The following NCKAP5 variants were observed in gnomAD, a reference collection of about 807,000 sequenced individuals.
The protein encoded by NCKAP5 is nck-associated protein 5.
Under a neutral mutation model 167.0 loss-of-function variants are expected in NCKAP5, and 92 were observed. The observed-to-expected ratio is 0.55, with a 90% CI of 0.47 to 0.66. The LOEUF is 0.66. Among genes scored for constraint, NCKAP5 ranks in the 30% least tolerant of loss-of-function variants. The probability of loss-of-function intolerance (pLI) is 0.00; values close to 1 mark genes in which losing one functional copy is unlikely to be tolerated. For synonymous variants in NCKAP5, 891 were observed against 877.4 expected, an observed-to-expected ratio of 1.02 and a Z score of -0.27; for missense variants, 2,378 against 2,315.0, an observed-to-expected ratio of 1.03 and a Z score of -0.56.
intron 8 of NCKAP5, among the ~76,000 whole-genome samples, chr2:132,961,296 T>C (rs1463163237): frequency 1.4e-5 from 2 of 138,580 alleles, no homozygotes; most frequent in African/African-American, 5.9e-5. Context: ...GAATTACATG[T>C]ATGACAAAAT....
At chr2:133,457,949 T>C (rs1691960184) in intron 3 of NCKAP5, among the ~76,000 whole-genome samples, 1 of 152,202 alleles carries the variant, frequency 6.6e-6, no homozygotes, top group Non-Finnish European at 1.5e-5. Flanking sequence ...TGTACGCCCT[T>C]TCCCACCACT....
chr2:133,197,763 A>G (rs1414978550), intron 5 of NCKAP5, among the ~76,000 whole-genome samples: 1 of 152,186 alleles, frequency 6.6e-6, no homozygotes, highest in East Asian at 1.9e-4. Context: ...ATCCTGGACA[A>G]CATGATGAAA....
intron 2 of NCKAP5, among the ~76,000 whole-genome samples, chr2:133,550,988 T>C (rs1687244090): frequency 6.6e-6 from 1 of 152,130 alleles, no homozygotes; most frequent in Admixed American, 6.5e-5. Flanking sequence ...TGAATTCCCA[T>C]TCACAATTGC....
At chr2:132,727,345 C>T (rs1690558476) in intron 18 of NCKAP5, among the ~76,000 whole-genome samples, 3 of 152,160 alleles carry the variant, frequency 2.0e-5, no homozygotes, top group Admixed American at 2.0e-4. Flanking sequence ...TTTTACAGCT[C>T]TCAATTTTCT....
At chr2:133,551,234 A>G (rs1687264891) in intron 2 of NCKAP5, among the ~76,000 whole-genome samples, 1 of 151,680 alleles carries the variant, frequency 6.6e-6, no homozygotes, top group Non-Finnish European at 1.5e-5. Flanking sequence ...ACAGAATTGG[A>G]AAAAACTACT....
chr2:133,484,370 G>A (rs925722483), intron 3 of NCKAP5, among the ~76,000 whole-genome samples: 12 of 152,168 alleles, frequency 7.9e-5, no homozygotes, highest in South Asian at 4.2e-4. Context: ...TCAAGATCCC[G>A]ATAGTGAGTA....
At chr2:133,128,654 G>A (rs1052362672) in intron 6 of NCKAP5, among the ~76,000 whole-genome samples, 5 of 151,842 alleles carry the variant, frequency 3.3e-5, no homozygotes, top group Non-Finnish European at 7.4e-5. Context: ...CTGGAGTGCA[G>A]TGGCGCAATC....
rs1573635079 is a variant in NCKAP5, at chr2:132,984,241, C to G, written c.429+9911G>C. Among the ~76,000 whole-genome samples, 4 of 152,206 alleles carry G rather than the reference C, an allele frequency of 2.6e-5. No homozygotes were observed. The South Asian group carries it at 8.3e-4, about 32-fold the overall frequency. On this transcript the variant is annotated intron_variant, in intron 7 of 19. Transcript: ENST00000409261. ...GAAAATGTTTAACCATACTAAGGCC[C>G]AGTCTCAGCTGCCGGAGACTCTATG...
chr2:132,792,334 T>C (rs1249032338), intron 12 of NCKAP5, among the ~76,000 whole-genome samples: 1 of 152,208 alleles, frequency 6.6e-6, no homozygotes, highest in Non-Finnish European at 1.5e-5. Context: ...TTTATGAACT[T>C]GTTTATTGCC....
chr2:133,401,619 G>C (rs1023639540), intron 3 of NCKAP5, among the ~76,000 whole-genome samples: 2 of 152,160 alleles, frequency 1.3e-5, no homozygotes, highest in Non-Finnish European at 2.9e-5. Flanking sequence ...TTTGGTGTCA[G>C]GAGTGTTCTG....
At chr2:133,059,082 G>A (rs1200546675) in intron 6 of NCKAP5, among the ~76,000 whole-genome samples, 3 of 147,002 alleles carry the variant, frequency 2.0e-5, no homozygotes. Context: ...GGCAGATCAC[G>A]AGGTCAGGAA....
At chr2:132,982,576 C>T (rs113630931) in intron 7 of NCKAP5, among the ~76,000 whole-genome samples, 1 of 152,140 alleles carries the variant, frequency 6.6e-6, no homozygotes, top group Non-Finnish European at 1.5e-5. Flanking sequence ...AGATATATTG[C>T]GTGATGCTCA....
chr2:132,881,465 G>T (rs1691743961), intron 8 of NCKAP5, among the ~76,000 whole-genome samples: 1 of 151,788 alleles, frequency 6.6e-6, no homozygotes, highest in Non-Finnish European at 1.5e-5. Flanking sequence ...ATGAGCCATT[G>T]CACCCGGCCT....
intron 11 of NCKAP5, among the ~76,000 whole-genome samples, chr2:132,825,790 A>G (rs1334632321): frequency 3.3e-5 from 5 of 152,258 alleles, no homozygotes; most frequent in African/African-American, 1.2e-4. Context: ...AGCAGATGGT[A>G]ACAAAAAATC....
intron 16 of NCKAP5, among the ~76,000 whole-genome samples, chr2:132,750,679 C>A (rs1431690809): frequency 1.3e-5 from 2 of 152,076 alleles, no homozygotes; most frequent in Non-Finnish European, 2.9e-5. Flanking sequence ...TAAGCATGAA[C>A]ATTTTGTTTG....
intron 12 of NCKAP5, among the ~76,000 whole-genome samples, chr2:132,790,470 A>T (rs1683974980): frequency 6.6e-6 from 1 of 152,174 alleles, no homozygotes; most frequent in Non-Finnish European, 1.5e-5. Context: ...TTTTATAATA[A>T]ACTGTTGAAT....
intron 3 of NCKAP5, among the ~76,000 whole-genome samples, chr2:133,495,705 G>A (rs1681884632): frequency 6.6e-6 from 1 of 152,172 alleles, no homozygotes; most frequent in South Asian, 2.1e-4. Flanking sequence ...GGGGGAAGGT[G>A]GAAGATTAAC....
chr2:133,646,570 A>G, the NCKAP5 span, among the ~76,000 whole-genome samples: 1 of 152,186 alleles, frequency 6.6e-6, no homozygotes, highest in African/African-American at 2.4e-5. Context: ...TTTTCATTAG[A>G]CCTGATTTAC....
intron 11 of NCKAP5, among the ~76,000 whole-genome samples, chr2:132,855,193 T>A (rs1286135502): frequency 2.0e-5 from 3 of 152,206 alleles, no homozygotes; most frequent in African/African-American, 7.2e-5. Context: ...AGGGGCCACT[T>A]TCTGCACGTC....
Sources: gnomAD v4.1 joint callset for allele counts (sites outside exome capture counted in the v4.1 genomes callset) on GRCh38, gnomAD v4.1.1 for gene constraint, MANE v1.5 for transcripts, NCBI Gene and HGNC (gene_info 2026-07-23, HGNC 2026-07-21) for gene names.